The following COLGALT2 variants were observed in gnomAD, a reference collection of about 807,000 sequenced individuals.
COLGALT2 encodes the protein procollagen galactosyltransferase 2.
Under a neutral mutation model 73.4 loss-of-function variants are expected in COLGALT2, and 49 were observed. The ratio of observed to expected loss-of-function variants is 0.67; its 90% CI spans 0.53 to 0.85. COLGALT2 has a LOEUF of 0.85. Ranked by LOEUF, COLGALT2 falls within the 40% of genes least tolerant of loss-of-function variation. COLGALT2 has a pLI of 0.00. For missense variants in COLGALT2, 722 were observed against 790.2 expected (o/e 0.91, Z 1.03); for synonymous variants, 295 against 307.6 (o/e 0.96, Z 0.43).
At chr1:183,987,272 C>T (rs886542471) in intron 1 of COLGALT2, among the ~76,000 whole-genome samples, 2 of 152,194 alleles carry the variant, frequency 1.3e-5, no homozygotes, top group Admixed American at 1.3e-4. Context: ...ACCTTTTTCA[C>T]CCACTCATCA....
chr1:183,964,041 C>G, intron 5 of COLGALT2, 21 bp from the exon 6 acceptor site: 1 of 1,610,930 alleles, frequency 6.2e-7, no homozygotes, highest in Non-Finnish European at 8.5e-7. Context: ...AAGAGAGGGA[C>G]AAAGCCAACA....
chr1:183,964,171 A>G (rs555824654), intron 5 of COLGALT2, 151 bp from the exon 6 acceptor site: 24 of 670,790 alleles, frequency 3.6e-5, no homozygotes, highest in Non-Finnish European at 5.3e-5. Context: ...GACCTAAAAA[A>G]TGCTCCTTTA....
Position 183,937,152 on chromosome 1 carries a change from C to G in COLGALT2, c.*1609G>C. The G allele has an allele frequency of 8.1e-7, 1 of 1,228,806 alleles. No individual in the cohort carries two copies. Among genetic ancestry groups the G allele is most frequent in the Non-Finnish European group, 1.0e-6 (1 of 986,664 alleles). The allele number at this position is 1,228,806 out of a possible 1,614,324, so 76.1% of individuals were successfully genotyped here. A position where few individuals can be genotyped will look rare whatever the true frequency, so the allele number is the denominator to read the frequency against. Reference sequence around the variant, plus strand: ...GTATGTAGCACCACCCGCCTGTGGACTCTGCTCTGAAGGGCCCTCCCCATG... The same window carrying G: ...GTATGTAGCACCACCCGCCTGTGGAGTCTGCTCTGAAGGGCCCTCCCCATG... On this transcript the variant is annotated 3_prime_UTR_variant, in exon 12 of 12. Coordinates refer to ENST00000361927, the MANE Select transcript of COLGALT2 (RefSeq NM_015101.4).
chr1:183,997,533 C>T (rs1671802569), intron 1 of COLGALT2, among the ~76,000 whole-genome samples: 1 of 152,168 alleles, frequency 6.6e-6, no homozygotes, highest in South Asian at 2.1e-4. Flanking sequence ...TTGGGCTACA[C>T]ATAAAATACA....
chr1:184,018,391 AT>A (rs1649073567), intron 1 of COLGALT2, among the ~76,000 whole-genome samples: 1 of 152,122 alleles, frequency 6.6e-6, no homozygotes, highest in Non-Finnish European at 1.5e-5. Flanking sequence ...GCCCTATAGT[AT>A]TTTAGGAGGA....
At chr1:183,941,463 G>A (rs1670106982) in intron 10 of COLGALT2, among the ~76,000 whole-genome samples, 2 of 152,230 alleles carry the variant, frequency 1.3e-5, no homozygotes, top group Admixed American at 1.3e-4. Context: ...CTACAACACA[G>A]GATGCACCTT....
At chr1:184,024,008 C>T (rs1044983070) in intron 1 of COLGALT2, among the ~76,000 whole-genome samples, 4 of 152,046 alleles carry the variant, frequency 2.6e-5, no homozygotes, top group Middle Eastern at 3.4e-3. Context: ...ATGGATAAGT[C>T]AAAACTACAG....
intron 1 of COLGALT2, among the ~76,000 whole-genome samples, chr1:184,015,360 G>A (rs779881843): frequency 2.6e-5 from 4 of 152,140 alleles, no homozygotes; most frequent in Admixed American, 6.5e-5. Flanking sequence ...TCTAACCAAC[G>A]TTGCCAACCT....
intron 1 of COLGALT2, among the ~76,000 whole-genome samples, chr1:183,985,890 A>G (rs1428170793): frequency 6.6e-6 from 1 of 152,210 alleles, no homozygotes; most frequent in Admixed American, 6.5e-5. Context: ...CAAACACTGA[A>G]CTACCCTCTC....
intron 1 of COLGALT2, among the ~76,000 whole-genome samples, chr1:184,006,803 T>C (rs1445003365): frequency 6.6e-6 from 1 of 152,140 alleles, no homozygotes; most frequent in African/African-American, 2.4e-5. Context: ...ACAACCCATA[T>C]ACAAGTTGTA....
rs543271976 is a variant in COLGALT2, at chr1:183,972,016, C to G, written c.627+1600G>C. 3.9e-5 allele frequency among the ~76,000 whole-genome samples: 6 copies of G among 152,320 alleles called. No individual in the cohort carries two copies. The East Asian group carries it at 1.2e-3, about 29-fold the overall frequency. On this transcript the variant is annotated intron_variant, in intron 4 of 11. Transcript: ENST00000361927. ...AAAGAGCCAGTTATTAAACATTTAT[C>G]AGCACACTACTGACCTTATTTCTCA...
rs571990657 is a variant in COLGALT2, at chr1:184,034,467, C to T, written c.263+2628G>A. On this transcript the variant is annotated intron_variant, in intron 1 of 11. Transcript: ENST00000361927. ...GATTTATAAATCATTTGGTTCTTCCCCAAACCCTTTAAAAGCCATTCAGAT... is the reference window on the plus strand; with the variant it reads ...GATTTATAAATCATTTGGTTCTTCCTCAAACCCTTTAAAAGCCATTCAGAT... 3.3e-5 allele frequency among the ~76,000 whole-genome samples: 5 copies of T among 152,194 alleles called. No homozygotes were observed. In the East Asian group the frequency reaches 9.7e-4, roughly 29 times the overall value.
At chr1:183,952,559 T>C (rs1322308288) in intron 7 of COLGALT2, among the ~76,000 whole-genome samples, 1 of 152,222 alleles carries the variant, frequency 6.6e-6, no homozygotes, top group Non-Finnish European at 1.5e-5. Flanking sequence ...ACATGGTCAT[T>C]CTGAATGCAG....
intron 1 of COLGALT2, among the ~76,000 whole-genome samples, chr1:184,020,861 G>A (rs879024642): frequency 6.6e-6 from 1 of 152,144 alleles, no homozygotes; most frequent in Non-Finnish European, 1.5e-5. Context: ...CTCTCATGAG[G>A]TTGTACTTAG....
intron 1 of COLGALT2, among the ~76,000 whole-genome samples, chr1:183,997,965 G>A (rs1332528400): frequency 6.6e-6 from 1 of 152,156 alleles, no homozygotes. Context: ...AAACAATGCT[G>A]CTATGACCTT....
At chr1:183,930,156 C>T (rs1167675821) in exon 12 of COLGALT2, 2 of 455,042 alleles carry the variant, frequency 4.4e-6, no homozygotes, top group Non-Finnish European at 4.4e-6. Context: ...CAGGAGAAAC[C>T]TGGAGGAGTT....
chr1:183,937,948 C>T lies in COLGALT2; in HGVS notation c.*813G>A. 1.0e-6 allele frequency: 1 copy of T among 985,426 alleles called. No individual in the cohort carries two copies. The highest frequency in any genetic ancestry group is 1.2e-6 in the Non-Finnish European group (1 of 829,936). The allele number at this position is 985,426 out of a possible 1,614,324, so 61.0% of individuals were successfully genotyped here. ...CCCGGGACAGGGCAGGATGCACAGCCAGTCCTCACCCTTTATATATTACAT... is the reference window on the plus strand; with the variant it reads ...CCCGGGACAGGGCAGGATGCACAGCTAGTCCTCACCCTTTATATATTACAT... On this transcript the variant is annotated 3_prime_UTR_variant, in exon 12 of 12. Coordinates refer to ENST00000361927, the MANE Select transcript of COLGALT2 (RefSeq NM_015101.4).
chr1:184,001,044 A>G (rs1671908632), intron 1 of COLGALT2, among the ~76,000 whole-genome samples: 1 of 152,008 alleles, frequency 6.6e-6, no homozygotes, highest in Non-Finnish European at 1.5e-5. Flanking sequence ...TGTGTTAGCC[A>G]GGATGTTCTC....
At chr1:183,973,823 T>G in intron 3 of COLGALT2, 73 bp from the exon 4 acceptor site, 4 of 1,422,206 alleles carry the variant, frequency 2.8e-6, no homozygotes, top group Non-Finnish European at 3.9e-6. Context: ...ACCCAGCCCT[T>G]CTGAAGGATC....
Sources: allele counts gnomAD v4.1 joint callset (sites outside exome capture counted in the v4.1 genomes callset), GRCh38; gene constraint gnomAD v4.1.1; transcripts MANE v1.5; gene names NCBI Gene and HGNC (gene_info 2026-07-23, HGNC 2026-07-21).